The following CDH18 variants were observed in gnomAD, a reference collection of about 807,000 sequenced individuals.
The protein encoded by CDH18 is cadherin 18, also known as cadherin-18.
A neutral mutation model predicts 67.9 loss-of-function variants in CDH18; 31 were observed. The observed-to-expected ratio is 0.46, with a 90% CI of 0.34 to 0.62. The LOEUF is 0.62. CDH18 is among the 20% of genes least tolerant of loss of function. The pLI is 0.01. For synonymous variants in CDH18, 362 were observed against 347.2 expected (o/e 1.04, Z -0.48); for missense variants, 890 against 975.5 (o/e 0.91, Z 1.17).
intron 2 of CDH18, among the ~76,000 whole-genome samples, chr5:20,233,561 T>C (rs2126512929): frequency 6.6e-6 from 1 of 152,204 alleles, no homozygotes; most frequent in East Asian, 1.9e-4. Flanking sequence ...TATTTGCTAA[T>C]TTGCTATTTA....
At chr5:20,261,225 T>C (rs1343279119) in intron 1 of CDH18, among the ~76,000 whole-genome samples, 1 of 152,120 alleles carries the variant, frequency 6.6e-6, no homozygotes, top group Non-Finnish European at 1.5e-5. Context: ...TTGTGAAAAC[T>C]TTAAAAAATA....
chr5:20,441,813 C>T (rs1484907760), intron 1 of CDH18, among the ~76,000 whole-genome samples: 1 of 151,810 alleles, frequency 6.6e-6, no homozygotes, highest in Non-Finnish European at 1.5e-5. Context: ...ATTGCAAGTA[C>T]TTACATTGCC....
intron 1 of CDH18, among the ~76,000 whole-genome samples, chr5:20,480,747 T>A (rs902643074): frequency 2.6e-5 from 4 of 152,202 alleles, no homozygotes; most frequent in Non-Finnish European, 2.9e-5. Flanking sequence ...TAATTTTATT[T>A]GTTTTTTCAA....
chr5:19,730,187 G>A (rs1767404721), intron 4 of CDH18, among the ~76,000 whole-genome samples: 2 of 152,158 alleles, frequency 1.3e-5, no homozygotes, highest in Admixed American at 1.3e-4. Context: ...TACTGCTGCA[G>A]TGATTGTTTC....
intron 3 of CDH18, among the ~76,000 whole-genome samples, chr5:19,814,032 G>A (rs1779022746): frequency 1.3e-5 from 2 of 151,750 alleles, no homozygotes; most frequent in South Asian, 2.1e-4. Flanking sequence ...GAGGAGGATA[G>A]GAGAATATTG....
At chr5:19,947,443 C>T (rs1338652901) in intron 2 of CDH18, among the ~76,000 whole-genome samples, 1 of 151,824 alleles carries the variant, frequency 6.6e-6, no homozygotes. Flanking sequence ...ATAAACTTGA[C>T]TCTTTTGAAA....
Position 19,631,232 on chromosome 5 carries a change from C to A in CDH18, c.644-18631G>T, listed in dbSNP as rs1436119701. Among the ~76,000 whole-genome samples, 3 of 151,992 alleles carry A rather than the reference C, an allele frequency of 2.0e-5. No homozygotes were observed. In the East Asian group the frequency reaches 5.8e-4, roughly 30 times the overall value. The stretch of plus-strand genomic sequence containing the variant: ...GATCATAAGCCTGAAATATTTCACG[C>A]ATATGAATAATTGAGAAGATGTAAC... On this transcript the variant is annotated intron_variant, in intron 5 of 12. Transcript: ENST00000382275.
intron 10 of CDH18, 44 bp from the exon 11 acceptor site, chr5:19,503,153 G>T: frequency 1.0e-6 from 1 of 988,814 alleles, no homozygotes; most frequent in Non-Finnish European, 1.6e-6. Flanking sequence ...AATTTTGCTT[G>T]TTCTCTTGAT....
At chr5:19,841,320 A>G (rs1210932881) in intron 2 of CDH18, among the ~76,000 whole-genome samples, 1 of 152,176 alleles carries the variant, frequency 6.6e-6, no homozygotes, top group Non-Finnish European at 1.5e-5. Flanking sequence ...ATACTATTCT[A>G]GCTTCAAAAT....
chr5:19,715,430 A>G (rs1765223727), intron 5 of CDH18, among the ~76,000 whole-genome samples: 1 of 152,196 alleles, frequency 6.6e-6, no homozygotes. Flanking sequence ...AGAGCTCTGC[A>G]TTAGTGGCTG....
intron 1 of CDH18, among the ~76,000 whole-genome samples, chr5:20,562,884 A>C (rs941276548): frequency 2.6e-5 from 4 of 151,960 alleles, no homozygotes; most frequent in Non-Finnish European, 5.9e-5. Flanking sequence ...GATAATGTTA[A>C]AATGTATATA....
At chr5:20,026,735 G>C (rs1159879865) in intron 2 of CDH18, among the ~76,000 whole-genome samples, 1 of 152,078 alleles carries the variant, frequency 6.6e-6, no homozygotes, top group African/African-American at 2.4e-5. Flanking sequence ...AAGGCGGGTG[G>C]ATCATGAGGT....
chr5:19,535,943 G>C (rs901435922), intron 9 of CDH18, among the ~76,000 whole-genome samples: 1 of 152,150 alleles, frequency 6.6e-6, no homozygotes, highest in Admixed American at 6.6e-5. Flanking sequence ...TTTACATTTA[G>C]TGCACAGAAC....
intron 1 of CDH18, among the ~76,000 whole-genome samples, chr5:20,412,638 A>G (rs1200718489): frequency 6.6e-6 from 1 of 152,204 alleles, no homozygotes; most frequent in Non-Finnish European, 1.5e-5. Context: ...AGGAACTAAA[A>G]CAAAACAACA....
In CDH18 at chr5:19,593,719, T is replaced by C. The variant is rs796448708; in HGVS notation, c.812-2475A>G. 5.1e-3 allele frequency among the ~76,000 whole-genome samples: 106 copies of C among 20,816 alleles called. 4 individuals are homozygous for C. In the East Asian group the frequency reaches 0.056, roughly 11 times the overall value. The allele number at this position is 20,816 out of a possible 152,430, so 13.7% of individuals were successfully genotyped here. On this transcript the variant is annotated intron_variant, in intron 6 of 12. Transcript: ENST00000382275. Reference sequence around the variant, plus strand: ...TCTTCCTCCTCCTCCTTCTTCTTCTTCTTCTTCTTCTTCTTCTTCTTCTTC... The same window carrying C: ...TCTTCCTCCTCCTCCTTCTTCTTCTCCTTCTTCTTCTTCTTCTTCTTCTTC...
intron 1 of CDH18, among the ~76,000 whole-genome samples, chr5:20,401,992 C>G (rs1273130945): frequency 6.6e-6 from 1 of 152,098 alleles, no homozygotes; most frequent in African/African-American, 2.4e-5. Flanking sequence ...TGCTTACTTT[C>G]CCATCTTCAT....
chr5:19,656,032 A>G (rs1756338876), intron 5 of CDH18, among the ~76,000 whole-genome samples: 1 of 139,120 alleles, frequency 7.2e-6, no homozygotes, highest in Admixed American at 7.9e-5. Context: ...CTCTTGCCAC[A>G]CTAATGTAAG....
intron 5 of CDH18, among the ~76,000 whole-genome samples, chr5:19,687,145 G>A (rs960218435): frequency 2.6e-5 from 4 of 152,142 alleles, no homozygotes; most frequent in Non-Finnish European, 5.9e-5. Context: ...AGTTCCAGAC[G>A]TGGAGAGGTC....
At chr5:20,332,866 CCATCACGG>C (rs1230775654) in intron 1 of CDH18, among the ~76,000 whole-genome samples, 4 of 152,082 alleles carry the variant, frequency 2.6e-5, no homozygotes, top group Non-Finnish European at 5.9e-5. Flanking sequence ...GGACACCATC[CCATCACGG>C]AGCACACTCA....
Sources: gnomAD v4.1 joint callset for allele counts (sites outside exome capture counted in the v4.1 genomes callset) on GRCh38, gnomAD v4.1.1 for gene constraint, MANE v1.5 for transcripts, NCBI Gene and HGNC (gene_info 2026-07-23, HGNC 2026-07-21) for gene names.